The following NCBP3 variants were observed in gnomAD, a reference collection of about 807,000 sequenced individuals.
The protein encoded by NCBP3 is nuclear cap-binding protein subunit 3.
A neutral mutation model predicts 75.7 loss-of-function variants in NCBP3; 20 were observed. The ratio of observed to expected loss-of-function variants is 0.26; its 90% CI spans 0.19 to 0.38. The LOEUF is 0.38. NCBP3 is among the 10% of genes least tolerant of loss of function. The probability of loss-of-function intolerance (pLI) is 1.00; values close to 1 mark genes in which losing one functional copy is unlikely to be tolerated. For synonymous variants in NCBP3, 293 were observed against 290.5 expected, an observed-to-expected ratio of 1.01 and a Z score of -0.09; for missense variants, 678 against 796.9, an observed-to-expected ratio of 0.85 and a Z score of 1.80.
chr17:3,834,297 G>T (rs2053937491), intron 3 of NCBP3, among the ~76,000 whole-genome samples: 1 of 152,188 alleles, frequency 6.6e-6, no homozygotes. Context: ...AAAAACAAAA[G>T]TTCACTGCCA....
At chr17:3,845,235 TC>T (rs1405145998) in intron 1 of NCBP3, among the ~76,000 whole-genome samples, 3 of 152,336 alleles carry the variant, frequency 2.0e-5, no homozygotes, top group East Asian at 3.9e-4. Flanking sequence ...TCTCTAGCGA[TC>T]ATACTTTAAC....
chr17:3,828,901 T>A (rs1240099495), intron 4 of NCBP3, among the ~76,000 whole-genome samples: 1 of 152,062 alleles, frequency 6.6e-6, no homozygotes, highest in Non-Finnish European at 1.5e-5. Flanking sequence ...GCTCTGAAAA[T>A]GCAGCCCCAA....
Position 3,808,176 on chromosome 17 carries a change from C to G in NCBP3, c.*4868G>C, listed in dbSNP as rs1007792828. 2 of 152,110 alleles carry G rather than the reference C, an allele frequency of 1.3e-5. No homozygotes were observed. The highest frequency in any genetic ancestry group is 2.9e-5 in the Non-Finnish European group (2 of 68,036). The allele number at this position is 152,110 out of a possible 1,614,324, so 9.4% of individuals were successfully genotyped here. ...TTCTCGCCTAAATGTGGTTCTAACACCCCAAAACAAGTGATTTTTGCACAA... is the reference window on the plus strand; with the variant it reads ...TTCTCGCCTAAATGTGGTTCTAACAGCCCAAAACAAGTGATTTTTGCACAA... On this transcript the variant is annotated 3_prime_UTR_variant, in exon 13 of 13. Transcript: ENST00000389005.
At chr17:3,840,829 G>A (rs1220469693) in intron 2 of NCBP3, among the ~76,000 whole-genome samples, 2 of 152,096 alleles carry the variant, frequency 1.3e-5, no homozygotes, top group Non-Finnish European at 2.9e-5. Flanking sequence ...TTCCAGCCTC[G>A]TGTCCACGGA....
intron 11 of NCBP3, among the ~76,000 whole-genome samples, chr17:3,815,437 G>C (rs1161800834): frequency 1.3e-5 from 2 of 152,160 alleles, no homozygotes; most frequent in East Asian, 3.8e-4. Context: ...GCACATAGCA[G>C]GTACGGCTAA....
rs976945212 is a variant in NCBP3, at chr17:3,807,618, C to T, written c.*5426G>A. ...AGAGATAACACCACAAAGAAACTTGCTCATTAGGAGCTTGCTTACTGGCTA... is the reference window on the plus strand; with the variant it reads ...AGAGATAACACCACAAAGAAACTTGTTCATTAGGAGCTTGCTTACTGGCTA... On this transcript the variant is annotated 3_prime_UTR_variant, in exon 13 of 13. Transcript: ENST00000389005. The T allele has an allele frequency of 6.6e-6, 1 of 152,144 alleles. No homozygotes were observed. The highest frequency in any genetic ancestry group is 6.5e-5 in the Admixed American group (1 of 15,274). 9.4% of individuals were successfully genotyped at this position (152,144 alleles called of 1,614,324 possible).
rs1567578437 is a variant in NCBP3 at position 3,813,078 on chromosome 17, CGACT to C, written c.1825_1828del (p.Ser609GlyfsTer24). 6.2e-7 allele frequency: 1 copy of C among 1,614,090 alleles called. No homozygotes were observed. The highest frequency in any genetic ancestry group is 2.2e-5 in the East Asian group (1 of 44,894). Reference sequence around the variant, plus strand: ...TGCCTCTGAACCAGAGCTGCTTTCCCGACTAACTTCAATCTGGAGAGATGGTAAG... The same window carrying C: ...TGCCTCTGAACCAGAGCTGCTTTCCCAACTTCAATCTGGAGAGATGGTAAG... On this transcript the variant is annotated frameshift_variant, in exon 13 of 13. Coordinates refer to ENST00000389005, the MANE Select transcript of NCBP3 (RefSeq NM_001114118.3). LOFTEE classifies it high-confidence loss of function.
intron 3 of NCBP3, among the ~76,000 whole-genome samples, chr17:3,835,069 G>A (rs1300984872): frequency 1.3e-5 from 2 of 152,172 alleles, no homozygotes; most frequent in East Asian, 1.9e-4. Flanking sequence ...CAGAAGCCAC[G>A]TGTACACAAT....
Position 3,810,605 on chromosome 17 carries a change from C to G in NCBP3, c.*2439G>C, listed in dbSNP as rs1383312952. 1 of 152,172 alleles carries G rather than the reference C, an allele frequency of 6.6e-6. No individual in the cohort carries two copies. The highest frequency in any genetic ancestry group is 1.5e-5 in the Non-Finnish European group (1 of 68,058). The allele number at this position is 152,172 out of a possible 1,614,324, so 9.4% of individuals were successfully genotyped here. A position where few individuals can be genotyped will look rare whatever the true frequency, so the allele number is the denominator to read the frequency against. ...ACTCCAAAGAAAAGGCCTCATCATTCAGGACACACTCAAGATGTTGCAAGA... is the reference window on the plus strand; with the variant it reads ...ACTCCAAAGAAAAGGCCTCATCATTGAGGACACACTCAAGATGTTGCAAGA... On this transcript the variant is annotated 3_prime_UTR_variant, in exon 13 of 13. Coordinates refer to ENST00000389005, the MANE Select transcript of NCBP3 (RefSeq NM_001114118.3).
chr17:3,832,094 T>A (rs561264940), intron 3 of NCBP3, among the ~76,000 whole-genome samples: 2 of 106,702 alleles, frequency 1.9e-5, no homozygotes, highest in African/African-American at 5.6e-5. Flanking sequence ...TGAGGCAGGA[T>A]AATCACTCGA....
chr17:3,813,361 C>A, intron 12 of NCBP3, 82 bp from the exon 13 acceptor site: 17 of 1,518,294 alleles, frequency 1.1e-5, no homozygotes, highest in Non-Finnish European at 1.4e-5. Context: ...GCACTGCCAA[C>A]ACCTGCTGTG....
intron 2 of NCBP3, among the ~76,000 whole-genome samples, chr17:3,842,834 C>T (rs930790731): frequency 1.3e-5 from 2 of 152,080 alleles, no homozygotes; most frequent in Non-Finnish European, 2.9e-5. Flanking sequence ...TTCGTAGAGA[C>T]GGGTCTCACT....
intron 7 of NCBP3, chr17:3,824,290 T>TA (rs1186449777): frequency 1.5e-4 from 23 of 151,990 alleles, no homozygotes; most frequent in Non-Finnish European, 2.4e-4. Context: ...CTCAAATGAT[T>TA]AAAAAAACCA....
chr17:3,814,179 A>G (rs1369944960), intron 12 of NCBP3, 143 bp downstream of exon 12: 4 of 853,086 alleles, frequency 4.7e-6, no homozygotes, highest in African/African-American at 1.7e-5. Flanking sequence ...GATGCTGACG[A>G]TAACTATAAT....
chr17:3,837,930 T>C (rs1380072017), intron 3 of NCBP3, among the ~76,000 whole-genome samples: 2 of 152,012 alleles, frequency 1.3e-5, no homozygotes, highest in Non-Finnish European at 2.9e-5. Flanking sequence ...CGGCCGACCT[T>C]ACTGCCTTTT....
intron 3 of NCBP3, among the ~76,000 whole-genome samples, chr17:3,831,542 C>T (rs143712517): frequency 0.053 from 6,510 of 121,706 alleles, 749 homozygotes; most frequent in African/African-American, 0.16. Context: ...CACTGCACTC[C>T]AGCCTAGCGA....
intron 3 of NCBP3, among the ~76,000 whole-genome samples, chr17:3,830,471 A>T (rs2053857841): frequency 6.6e-6 from 1 of 152,238 alleles, no homozygotes; most frequent in Non-Finnish European, 1.5e-5. Flanking sequence ...GTACATATTT[A>T]TGTACACAGA....
rs2053389259 is a variant in NCBP3 at position 3,810,305 on chromosome 17, A to G, written c.*2739T>C. On this transcript the variant is annotated 3_prime_UTR_variant, in exon 13 of 13. Transcript: ENST00000389005. ...AACGGAGAGGGGTTCACAGGATCAG[A>G]CTACAAGGGGGCCAGAGGAGGAGAC... 1 of 152,284 alleles carries G rather than the reference A, an allele frequency of 6.6e-6. No individual in the cohort carries two copies. Among genetic ancestry groups the G allele is most frequent in the African/African-American group, 2.4e-5 (1 of 41,436 alleles). The allele number at this position is 152,284 out of a possible 1,614,324, so 9.4% of individuals were successfully genotyped here.
At chr17:3,838,468 G>A (rs558455212) in intron 3 of NCBP3, among the ~76,000 whole-genome samples, 6 of 152,314 alleles carry the variant, frequency 3.9e-5, no homozygotes, top group African/African-American at 1.4e-4. Context: ...CAGAAACCCC[G>A]CCCATGAGGG....
Sources: gnomAD v4.1 joint callset for allele counts (sites outside exome capture counted in the v4.1 genomes callset) on GRCh38, gnomAD v4.1.1 for gene constraint, MANE v1.5 for transcripts, NCBI Gene and HGNC (gene_info 2026-07-23, HGNC 2026-07-21) for gene names.